The following LRFN5 variants were observed in gnomAD, a reference collection of about 807,000 sequenced individuals.
LRFN5 encodes the protein leucine rich repeat and fibronectin type III domain containing 5.
LRFN5 carries 24 observed loss-of-function variants against 45.6 expected under a neutral mutation model. The ratio of observed to expected loss-of-function variants is 0.53; its 90% confidence interval spans 0.38 to 0.74. The LOEUF (loss-of-function observed/expected upper bound fraction) is 0.74, where lower values mean the gene tolerates loss of function less well. Among genes scored for constraint, LRFN5 ranks in the 30% least tolerant of loss-of-function variants. The pLI, the probability that LRFN5 is intolerant of heterozygous loss-of-function variation, is 0.00. For missense variants in LRFN5, 776 were observed against 861.5 expected (o/e 0.90, Z 1.24); for synonymous variants, 340 against 313.8 (o/e 1.08, Z -0.88).
intron 2 of LRFN5, among the ~76,000 whole-genome samples, chr14:41,782,971 C>T (rs561228477): frequency 2.8e-5 from 2 of 72,314 alleles, no homozygotes; most frequent in South Asian, 9.6e-4. Context: ...TGTGGTGATA[C>T]AGCTTTTTTT....
chr14:41,614,570 T>A (rs187713780), intron 1 of LRFN5, among the ~76,000 whole-genome samples: 1 of 152,164 alleles, frequency 6.6e-6, no homozygotes, highest in East Asian at 1.9e-4. Context: ...TGTTCTACGC[T>A]TTGTAGTAGG....
chr14:41,779,714 G>A (rs1351980700), intron 2 of LRFN5, among the ~76,000 whole-genome samples: 1 of 151,824 alleles, frequency 6.6e-6, no homozygotes, highest in Non-Finnish European at 1.5e-5. Flanking sequence ...TGTCTTTCAA[G>A]GAATTGGTCC....
chr14:41,649,224 G>A (rs1879968795), intron 1 of LRFN5, among the ~76,000 whole-genome samples: 1 of 151,918 alleles, frequency 6.6e-6, no homozygotes, highest in African/African-American at 2.4e-5. Context: ...AAAAGAGCGA[G>A]AGTCTGTCTC....
At chr14:41,622,718 G>A (rs1888178689) in intron 1 of LRFN5, among the ~76,000 whole-genome samples, 2 of 151,998 alleles carry the variant, frequency 1.3e-5, no homozygotes, top group South Asian at 2.1e-4. Context: ...TTTCTTAAAA[G>A]TCTTAGGTAA....
chr14:41,873,745 A>G (rs539263394), intron 2 of LRFN5, among the ~76,000 whole-genome samples: 2 of 152,272 alleles, frequency 1.3e-5, no homozygotes, highest in African/African-American at 4.8e-5. Flanking sequence ...ATATTTCTAG[A>G]TGCCTGAATT....
intron 1 of LRFN5, among the ~76,000 whole-genome samples, chr14:41,696,580 A>T (rs554548210): frequency 5.5e-5 from 3 of 54,334 alleles, no homozygotes; most frequent in African/African-American, 4.3e-4. Flanking sequence ...ATTTGGATAT[A>T]TTCTCAGAAG....
At chr14:41,628,654 G>T (rs1888427337) in intron 1 of LRFN5, among the ~76,000 whole-genome samples, 1 of 152,116 alleles carries the variant, frequency 6.6e-6, no homozygotes, top group Admixed American at 6.6e-5. Flanking sequence ...AGAGAGAGGT[G>T]ATTGTTGTCT....
intron 1 of LRFN5, among the ~76,000 whole-genome samples, chr14:41,730,516 C>T (rs1884124433): frequency 6.6e-6 from 1 of 151,828 alleles, no homozygotes; most frequent in South Asian, 2.1e-4. Flanking sequence ...CTTATGAGTC[C>T]AGAAAGGATT....
chr14:41,725,427 G>A (rs58844543), intron 1 of LRFN5, among the ~76,000 whole-genome samples: 32,348 of 152,006 alleles, frequency 0.21, 3,525 homozygotes, highest in Non-Finnish European at 0.23. Context: ...TGGTAGTTAG[G>A]TCAGGACTAG....
chr14:41,737,455 C>T (rs1452721135), intron 1 of LRFN5, among the ~76,000 whole-genome samples: 3 of 152,052 alleles, frequency 2.0e-5, no homozygotes, highest in Admixed American at 6.6e-5. Context: ...ACAAGGATGC[C>T]GTCTCTCTCC....
chr14:41,650,266 C>CACA (rs1247683262), intron 1 of LRFN5, among the ~76,000 whole-genome samples: 6 of 135,534 alleles, frequency 4.4e-5, no homozygotes, highest in South Asian at 2.5e-4. Context: ...CACACACACA[C>CACA]AAAAAAAAAA....
rs571613008 is a variant in LRFN5 at position 41,894,528 on chromosome 14, T to C, written c.2098+2566T>C. On this transcript the variant is annotated intron_variant, in intron 4 of 5. Transcript: ENST00000298119. ...CTGAGATTTTGCCCTTCAAAAAGTC[T>C]ATATTTTAAGAGATTAACAAAAGAC... The C allele has an allele frequency of 4.4e-5, 42 of 962,154 alleles. No individual in the cohort carries two copies. The South Asian group carries it at 1.7e-3, about 40-fold the overall frequency. The allele number at this position is 962,154 out of a possible 1,614,324, so 59.6% of individuals were successfully genotyped here.
intron 1 of LRFN5, among the ~76,000 whole-genome samples, chr14:41,646,499 C>G (rs1879825660): frequency 6.6e-6 from 1 of 152,176 alleles, no homozygotes; most frequent in Non-Finnish European, 1.5e-5. Context: ...CTCAGGGACA[C>G]AGACCCCTTT....
chr14:41,790,381 G>A (rs1013821723), intron 2 of LRFN5, among the ~76,000 whole-genome samples: 2 of 151,334 alleles, frequency 1.3e-5, no homozygotes, highest in African/African-American at 4.8e-5. Flanking sequence ...TCCTTTAAAG[G>A]TACTACTAAT....
rs111937331 is a variant in LRFN5, at chr14:41,633,614, A to C, written c.-197+25052A>C. On this transcript the variant is annotated intron_variant, in intron 1 of 5. Coordinates refer to ENST00000298119, the MANE Select transcript of LRFN5 (RefSeq NM_152447.5). ...AAATAGAAGTTTTAGGATCAGGTCC[A>C]ATTCCATAAAAGTCATTGCAATTAT... Among the ~76,000 whole-genome samples, 954 of 152,256 alleles carry C rather than the reference A, an allele frequency of 6.3e-3. 16 individuals carry two copies. Among genetic ancestry groups the C allele is most frequent in the African/African-American group, 0.022 (929 of 41,564 alleles).
chr14:41,739,156 T>A (rs2040685406), intron 1 of LRFN5, among the ~76,000 whole-genome samples: 1 of 152,078 alleles, frequency 6.6e-6, no homozygotes, highest in African/African-American at 2.4e-5. Flanking sequence ...GAGGCCAAAG[T>A]GGGTGGATTG....
At chr14:41,674,477 C>T (rs1429316209) in intron 1 of LRFN5, among the ~76,000 whole-genome samples, 1 of 143,974 alleles carries the variant, frequency 6.9e-6, no homozygotes, top group Admixed American at 6.8e-5. Context: ...CCTCACCTCC[C>T]GGACGGGGTG....
At chr14:41,737,072 C>A (rs1376697214) in intron 1 of LRFN5, among the ~76,000 whole-genome samples, 1 of 152,138 alleles carries the variant, frequency 6.6e-6, no homozygotes, top group Non-Finnish European at 1.5e-5. Context: ...AGGCCAGTAT[C>A]CCTGATGAAT....
chr14:41,794,902 G>T (rs1887063623), intron 2 of LRFN5, among the ~76,000 whole-genome samples: 1 of 151,756 alleles, frequency 6.6e-6, no homozygotes, highest in African/African-American at 2.4e-5. Flanking sequence ...CACAATTATT[G>T]AAAACTTTAA....
Sources: gnomAD v4.1 joint callset for allele counts (sites outside exome capture counted in the v4.1 genomes callset) on GRCh38, gnomAD v4.1.1 for gene constraint, MANE v1.5 for transcripts, NCBI Gene and HGNC (gene_info 2026-07-23, HGNC 2026-07-21) for gene names.